ZFHX3: variants seen among roughly 807,000 people sequenced by gnomAD.
ZFHX3 encodes the protein zinc finger homeobox 3.
In ZFHX3, 42 loss-of-function variants were observed where a neutral mutation model predicts 279.1. That is an observed-to-expected ratio of 0.15 (90% CI 0.12 to 0.19). The LOEUF is 0.19. Ranked by LOEUF, ZFHX3 falls within the 10% of genes least tolerant of loss-of-function variation. ZFHX3 has a pLI of 1.00. For synonymous variants in ZFHX3, 2,293 were observed against 1,957.8 expected (o/e 1.17, Z -4.52); for missense variants, 4,981 against 4,754.0 (o/e 1.05, Z -1.40).
At chr16:72,859,227 C>A (rs1174109758) in intron 4 of ZFHX3, among the ~76,000 whole-genome samples, 1 of 152,240 alleles carries the variant, frequency 6.6e-6, no homozygotes. Flanking sequence ...CAGAAACAGG[C>A]AGCCCACATA....
In ZFHX3 at chr16:72,933,813, C is replaced by CTTTTTTTTTTTTTTTTTTTTT. The variant is rs71391468; in HGVS notation, c.3216+16635_3216+16655dup. Among the ~76,000 whole-genome samples the CTTTTTTTTTTTTTTTTTTTTT allele has an allele frequency of 1.2e-4, 13 of 112,478 alleles. 3 individuals carry two copies. Among genetic ancestry groups the CTTTTTTTTTTTTTTTTTTTTT allele is most frequent in the Admixed American group, 1.9e-4 (2 of 10,442 alleles). 73.8% of individuals were successfully genotyped at this position (112,478 alleles called of 152,430 possible). A position where few individuals can be genotyped will look rare whatever the true frequency, so the allele number is the denominator to read the frequency against. ...TATGAAATGTTTAGCTCACAACTTT[C>CTTTTTTTTTTTTTTTTTTTTT]TTTTTTTTTTTTTTTTTTTTTTTGA... On this transcript the variant is annotated intron_variant, in intron 3 of 9. Transcript: ENST00000268489.
At chr16:73,738,496 T>C (rs1424064223) in intron 1 of ZFHX3, among the ~76,000 whole-genome samples, 1 of 152,224 alleles carries the variant, frequency 6.6e-6, no homozygotes, top group African/African-American at 2.4e-5. Context: ...CACAGAGACA[T>C]GAAATTCTTC....
intron 4 of ZFHX3, among the ~76,000 whole-genome samples, chr16:73,275,170 T>C (rs535970607): frequency 1.3e-5 from 2 of 152,330 alleles, no homozygotes; most frequent in South Asian, 4.1e-4. Context: ...TAGTCTCACT[T>C]GTTACTTTGT....
chr16:73,804,156 AAAAAAC>A (rs754794538), intron 1 of ZFHX3, among the ~76,000 whole-genome samples: 1 of 152,192 alleles, frequency 6.6e-6, no homozygotes, highest in Admixed American at 6.5e-5. Context: ...ACCCTGTCTC[AAAAAAC>A]AAAAACAAAA....
intron 1 of ZFHX3, among the ~76,000 whole-genome samples, chr16:72,991,625 AT>A (rs1671898169): frequency 6.6e-6 from 1 of 152,254 alleles, no homozygotes; most frequent in Non-Finnish European, 1.5e-5. Flanking sequence ...ATTAACATTT[AT>A]ACAGACAAAG....
chr16:73,547,153 AATGCAATG>A (rs1015332431), intron 2 of ZFHX3, among the ~76,000 whole-genome samples: 3 of 152,034 alleles, frequency 2.0e-5, no homozygotes, highest in Admixed American at 6.6e-5. Context: ...TTTGTGTAAA[AATGCAATG>A]ATGTTCCTAG....
rs374377988 is a variant in ZFHX3 at position 72,788,622 on chromosome 16, C to G, written c.9654G>C (p.Pro3218=). Residue 3218 remains proline (P), a synonymous_variant, in exon 10 of 10, where the codon CCG becomes CCC. Transcript: ENST00000268489. ...GCAGTGGGAGCTGTGGTGTGGGTGG[C>G]GGCTGGGCTGCTGGCGGCGGGGGAG... is the stretch of plus-strand genomic sequence containing the variant. ...QQPPPPPAAQ[P]PPTPQLPLQQ... 1 of 1,612,964 alleles carries G rather than the reference C, an allele frequency of 6.2e-7. No homozygotes were observed. The highest frequency in any genetic ancestry group is 2.2e-5 in the East Asian group (1 of 44,576).
intron 4 of ZFHX3, among the ~76,000 whole-genome samples, chr16:73,261,955 G>A (rs941557919): frequency 1.1e-4 from 16 of 152,156 alleles, no homozygotes; most frequent in African/African-American, 2.7e-4. Context: ...GATTACAGGC[G>A]TGAGCTACGG....
chr16:73,729,932 A>G (rs2053554815), intron 1 of ZFHX3, among the ~76,000 whole-genome samples: 1 of 152,224 alleles, frequency 6.6e-6, no homozygotes, highest in African/African-American at 2.4e-5. Flanking sequence ...ACAGCTAACT[A>G]GACTAAATAA....
chr16:73,478,461 C>G (rs2018808439), intron 2 of ZFHX3, among the ~76,000 whole-genome samples: 1 of 152,068 alleles, frequency 6.6e-6, no homozygotes, highest in Non-Finnish European at 1.5e-5. Flanking sequence ...AAGGTATAAT[C>G]TGTGACACAT....
chr16:73,083,766 G>C (rs1965977140), intron 8 of ZFHX3, among the ~76,000 whole-genome samples: 1 of 152,152 alleles, frequency 6.6e-6, no homozygotes, highest in African/African-American at 2.4e-5. Flanking sequence ...CTGGGCTCAA[G>C]CGATCTGCCC....
chr16:73,858,238 T>C (rs2142387100), intron 1 of ZFHX3, among the ~76,000 whole-genome samples: 1 of 152,294 alleles, frequency 6.6e-6, no homozygotes, highest in Middle Eastern at 3.4e-3. Flanking sequence ...GGTACAAATC[T>C]AGTAAACAGT....
At chr16:73,168,472 T>C (rs1456384613) in intron 5 of ZFHX3, among the ~76,000 whole-genome samples, 1 of 151,876 alleles carries the variant, frequency 6.6e-6, no homozygotes, top group African/African-American at 2.4e-5. Context: ...CCCAGGCTGG[T>C]TTTGAACTCC....
intron 5 of ZFHX3, among the ~76,000 whole-genome samples, chr16:73,143,992 G>A (rs1274717427): frequency 4.6e-5 from 7 of 151,930 alleles, no homozygotes; most frequent in Admixed American, 2.0e-4. Flanking sequence ...CCCCCTTGTC[G>A]GCCAGTATCA....
chr16:73,502,519 T>C (rs959221532), intron 2 of ZFHX3, among the ~76,000 whole-genome samples: 1 of 152,196 alleles, frequency 6.6e-6, no homozygotes, highest in Non-Finnish European at 1.5e-5. Flanking sequence ...CTGTCCTGCA[T>C]GGTGTCTAAC....
intron 5 of ZFHX3, among the ~76,000 whole-genome samples, chr16:73,166,236 C>T (rs529785259): frequency 6.6e-5 from 10 of 152,280 alleles, no homozygotes; most frequent in African/African-American, 2.4e-4. Flanking sequence ...GTCAGAAACC[C>T]ATGCCAGAAA....
In ZFHX3 at chr16:72,800,069, G is replaced by T; in HGVS notation, c.3925C>A (p.Arg1309=). Reference sequence around the variant, plus strand: ...TCTTCCAAATTGGAATTCCCATCTCGATCTGGAACAGCTGCTGGGAGGAAC... The same window carrying T: ...TCTTCCAAATTGGAATTCCCATCTCTATCTGGAACAGCTGCTGGGAGGAAC... ...SMFLPAAVPD[R]DGNSNLEEAG... Residue 1309 remains arginine, a synonymous_variant, in exon 8 of 10, where the codon CGA becomes AGA. Transcript: ENST00000268489. The T allele has an allele frequency of 1.2e-6, 2 of 1,614,136 alleles. No individual in the cohort carries two copies. The highest frequency in any genetic ancestry group is 1.3e-5 in the African/African-American group (1 of 75,032).
rs1567389807 is a variant in ZFHX3 at position 73,105,388 on chromosome 16, CACACACATATAT to C, written c.-896-11802_-896-11791del. Reference sequence around the variant, plus strand: ...ATACACACATATATATATATACACACACACACATATATATATATATACACACACACATATATA... The same window carrying C: ...ATACACACATATATATATATACACACATATATATACACACACACATATATA... On this transcript the variant is annotated intron_variant, in intron 7 of 17. Coordinates refer to the ZFHX3 transcript ENST00000641206. Among the ~76,000 whole-genome samples the C allele has an allele frequency of 7.2e-5, 9 of 125,450 alleles. No individual in the cohort carries two copies. The East Asian group carries it at 1.2e-3, about 17-fold the overall frequency. The allele number at this position is 125,450 out of a possible 152,430, so 82.3% of individuals were successfully genotyped here.
chr16:73,305,244 C>A (rs1414775979), intron 4 of ZFHX3, among the ~76,000 whole-genome samples: 1 of 151,990 alleles, frequency 6.6e-6, no homozygotes, highest in African/African-American at 2.4e-5. Context: ...AGCAATTCAC[C>A]AGGGGAGCCT....
Sources: allele counts gnomAD v4.1 joint callset (sites outside exome capture counted in the v4.1 genomes callset), GRCh38; gene constraint gnomAD v4.1.1; transcripts MANE v1.5; gene names NCBI Gene and HGNC (gene_info 2026-07-23, HGNC 2026-07-21).